PAH: variants seen among roughly 807,000 people sequenced by gnomAD.
PAH encodes phenylalanine-4-hydroxylase.
Under a neutral mutation model 62.0 loss-of-function variants are expected in PAH, and 64 were observed. The observed-to-expected ratio is 1.03, with a 90% CI of 0.84 to 1.27. The LOEUF (loss-of-function observed/expected upper bound fraction) is 1.27. PAH is among the 50% of genes most tolerant of loss of function. The pLI, the probability that PAH is intolerant of heterozygous loss-of-function variation, is 0.00. For synonymous variants in PAH, 195 were observed against 196.2 expected (o/e 0.99, Z 0.05); for missense variants, 579 against 542.8 (o/e 1.07, Z -0.66).
chr12:102,885,054 G>C (rs1876975155), intron 3 of PAH, among the ~76,000 whole-genome samples: 1 of 152,114 alleles, frequency 6.6e-6, no homozygotes, highest in African/African-American at 2.4e-5. Flanking sequence ...GAATAAAGGT[G>C]TGGTGGTGGT....
upstream of PAH, among the ~76,000 whole-genome samples, chr12:102,951,498 A>C (rs1410606821): frequency 6.6e-6 from 1 of 152,218 alleles, no homozygotes; most frequent in Non-Finnish European, 1.5e-5. Context: ...TGGAGCCAAG[A>C]GGAACAGACT....
chr12:102,869,747 G>C (rs1343681265), intron 4 of PAH, among the ~76,000 whole-genome samples: 1 of 152,174 alleles, frequency 6.6e-6, no homozygotes, highest in Non-Finnish European at 1.5e-5. Context: ...AGAGAGCTCT[G>C]TGGCCTGACG....
intron 1 of PAH, among the ~76,000 whole-genome samples, chr12:102,934,828 T>G (rs1433904552): frequency 1.3e-5 from 2 of 152,088 alleles, no homozygotes; most frequent in Non-Finnish European, 2.9e-5. Flanking sequence ...AGTATTTAGG[T>G]TTTTCCAAAT....
chr12:102,871,949 AATATATATATATATATATAT>A (rs1232144620), intron 4 of PAH, among the ~76,000 whole-genome samples: 4 of 30,332 alleles, frequency 1.3e-4, no homozygotes, highest in African/African-American at 6.4e-4. Context: ...AAAAAAAAAA[AATATATATATATATATATAT>A]ATATATATAT....
chr12:102,932,753 C>T (rs911917848), intron 1 of PAH, among the ~76,000 whole-genome samples: 12 of 152,082 alleles, frequency 7.9e-5, no homozygotes, highest in Admixed American at 7.2e-4. Context: ...ACTTCAAAGG[C>T]AGTGGGTTCT....
chr12:102,864,805 CA>C lies in PAH; in HGVS notation c.509+1790del, dbSNP rs3062691. ...AGGCAAATTCGCAAAATAGAATCTG[CA>C]AAAAAAAAAAAACAAGGATGAACTA... On this transcript the variant is annotated intron_variant, in intron 5 of 12. Transcript: ENST00000553106. Among the ~76,000 whole-genome samples, 431 of 131,906 alleles carry C rather than the reference CA, an allele frequency of 3.3e-3. 1 individual carries two copies. The highest frequency in any genetic ancestry group is 0.011 in the African/African-American group (394 of 36,770). 86.5% of individuals were successfully genotyped at this position (131,906 alleles called of 152,430 possible). A position where few individuals can be genotyped will look rare whatever the true frequency, so the allele number is the denominator to read the frequency against.
intron 8 of PAH, 52 bp from the exon 9 acceptor site, chr12:102,847,003 G>A (rs938441676): frequency 2.0e-6 from 3 of 1,477,794 alleles, no homozygotes; most frequent in East Asian, 2.3e-5. Flanking sequence ...TGGAACCACA[G>A]AACCAACCTA....
chr12:102,954,967 G>A (rs982210794), upstream of PAH, among the ~76,000 whole-genome samples: 3 of 152,158 alleles, frequency 2.0e-5, no homozygotes, highest in Admixed American at 6.5e-5. Context: ...GCTTTGCAAA[G>A]CATGTAAGGA....
intron 3 of PAH, among the ~76,000 whole-genome samples, chr12:102,883,610 A>G (rs1592972613): frequency 6.6e-6 from 1 of 152,352 alleles, no homozygotes; most frequent in East Asian, 1.9e-4. Flanking sequence ...AGATCAAAAC[A>G]GCTCACCACA....
intron 2 of PAH, among the ~76,000 whole-genome samples, chr12:102,906,629 C>A (rs78416579): frequency 6.6e-6 from 1 of 152,122 alleles, no homozygotes; most frequent in Non-Finnish European, 1.5e-5. Context: ...AATAAATATT[C>A]TGAGGGCACA....
chr12:102,880,485 G>A (rs901595088), intron 3 of PAH, among the ~76,000 whole-genome samples: 7 of 152,086 alleles, frequency 4.6e-5, no homozygotes, highest in East Asian at 1.9e-4. Context: ...CCCACACTGC[G>A]GAGGTAGCCT....
upstream of PAH, among the ~76,000 whole-genome samples, chr12:102,954,290 C>T (rs1274498196): frequency 6.6e-6 from 1 of 152,206 alleles, no homozygotes; most frequent in East Asian, 1.9e-4. Flanking sequence ...TGACTCACCC[C>T]TAGGTGCTGG....
intron 1 of PAH, among the ~76,000 whole-genome samples, chr12:102,936,388 A>G (rs1265105794): frequency 6.6e-6 from 1 of 152,162 alleles, no homozygotes; most frequent in African/African-American, 2.4e-5. Context: ...GTAAATATCT[A>G]TTAGATTCAT....
intron 1 of PAH, among the ~76,000 whole-genome samples, chr12:102,941,763 T>C (rs1879300497): frequency 6.6e-6 from 1 of 152,118 alleles, no homozygotes; most frequent in African/African-American, 2.4e-5. Flanking sequence ...TGGGATGCAA[T>C]GTTGATTCAA....
chr12:102,860,017 T>C (rs565457607), intron 5 of PAH, among the ~76,000 whole-genome samples: 3 of 151,790 alleles, frequency 2.0e-5, no homozygotes, highest in Non-Finnish European at 4.4e-5. Context: ...GGTATTCAAT[T>C]AGGAAAAGAG....
intron 8 of PAH, 67 bp downstream of exon 8, chr12:102,851,620 G>A: frequency 7.5e-7 from 1 of 1,336,162 alleles, no homozygotes; most frequent in Non-Finnish European, 1.1e-6. Flanking sequence ...CCCTCCCTGG[G>A]CTCAACTCAT....
intron 5 of PAH, among the ~76,000 whole-genome samples, chr12:102,864,040 A>G (rs1875842363): frequency 6.6e-6 from 1 of 152,150 alleles, no homozygotes; most frequent in Non-Finnish European, 1.5e-5. Flanking sequence ...ATGTTAATTG[A>G]GCACTGTGAC....
chr12:102,867,977 ATATAGATGTATAT>A lies in PAH; in HGVS notation c.442-1327_442-1315del, dbSNP rs1204129897. Reference sequence around the variant, plus strand: ...TATATAGATGTATATATACATGTATATATAGATGTATATTACATGTATATATGTATATACATAT... The same window carrying A: ...TATATAGATGTATATATACATGTATATACATGTATATATGTATATACATAT... On this transcript the variant is annotated intron_variant, in intron 4 of 12. Transcript: ENST00000553106. 1.6e-3 allele frequency among the ~76,000 whole-genome samples: 195 copies of A among 125,508 alleles called. 3 individuals carry two copies. The highest frequency in any genetic ancestry group is 2.8e-3 in the African/African-American group (88 of 31,480). The allele number at this position is 125,508 out of a possible 152,430, so 82.3% of individuals were successfully genotyped here.
At chr12:102,865,096 G>C (rs767664063) in intron 5 of PAH, among the ~76,000 whole-genome samples, 2 of 152,152 alleles carry the variant, frequency 1.3e-5, no homozygotes, top group African/African-American at 4.8e-5. Flanking sequence ...CAGTAACCAA[G>C]TTAACTGATT....
Sources: gnomAD v4.1 joint callset for allele counts (sites outside exome capture counted in the v4.1 genomes callset) on GRCh38, gnomAD v4.1.1 for gene constraint, MANE v1.5 for transcripts, NCBI Gene and HGNC (gene_info 2026-07-23, HGNC 2026-07-21) for gene names.